Variants in TINAG observed in about 807,000 individuals in gnomAD.
The protein encoded by TINAG is tubulointerstitial nephritis antigen.
In TINAG, 83 loss-of-function variants were observed where a neutral mutation model predicts 72.7. That is an observed-to-expected ratio of 1.14 (90% CI 0.96 to 1.37). The LOEUF is 1.37. Ranked by LOEUF, TINAG falls within the 40% of genes most tolerant of loss-of-function variation. The probability of loss-of-function intolerance (pLI) is 0.00; values close to 1 mark genes in which losing one functional copy is unlikely to be tolerated. For synonymous variants in TINAG, 234 were observed against 189.9 expected (o/e 1.23, Z -1.91); for missense variants, 685 against 576.6 (o/e 1.19, Z -1.93).
chr6:54,364,648 G>A (rs1333843399), intron 9 of TINAG, among the ~76,000 whole-genome samples: 1 of 151,194 alleles, frequency 6.6e-6, no homozygotes, highest in African/African-American at 2.4e-5. Flanking sequence ...GTAATAATAA[G>A]GAAATAATAT....
At chr6:54,369,848 A>G (rs1362297453) in intron 9 of TINAG, 3 of 152,064 alleles carry the variant, frequency 2.0e-5, no homozygotes, top group African/African-American at 7.2e-5. Flanking sequence ...AAATAAATTA[A>G]TACTACCCCA....
chr6:54,317,761 T>C (rs1784405970), intron 1 of TINAG, among the ~76,000 whole-genome samples: 1 of 152,166 alleles, frequency 6.6e-6, no homozygotes, highest in African/African-American at 2.4e-5. Flanking sequence ...CATTCCCTTC[T>C]TTCCTTTAAT....
chr6:54,373,994 A>T (rs1763705651), intron 9 of TINAG, among the ~76,000 whole-genome samples: 1 of 152,114 alleles, frequency 6.6e-6, no homozygotes, highest in Non-Finnish European at 1.5e-5. Context: ...TTTAATGCAT[A>T]TTCTGTCAGC....
chr6:54,369,515 A>G (rs894321697), intron 9 of TINAG, among the ~76,000 whole-genome samples: 1 of 151,914 alleles, frequency 6.6e-6, no homozygotes, highest in African/African-American at 2.4e-5. Flanking sequence ...TTTTGAGCTA[A>G]AACATTAGAA....
intron 9 of TINAG, among the ~76,000 whole-genome samples, chr6:54,378,613 TCTTAAA>T (rs1439907541): frequency 1.3e-5 from 2 of 152,196 alleles, no homozygotes; most frequent in Non-Finnish European, 2.9e-5. Context: ...AGTTCGTATT[TCTTAAA>T]AGTTTCCAAG....
At chr6:54,343,406 TGAGA>T (rs1785047731) in intron 5 of TINAG, 57 bp downstream of exon 5, 2 of 1,355,288 alleles carry the variant, frequency 1.5e-6, no homozygotes, top group African/African-American at 3.0e-5. Context: ...CTCTAGAGAC[TGAGA>T]GAATAATTGA....
At chr6:54,373,409 C>T (rs1057344762) in intron 9 of TINAG, among the ~76,000 whole-genome samples, 2 of 152,070 alleles carry the variant, frequency 1.3e-5, no homozygotes, top group Non-Finnish European at 2.9e-5. Context: ...TATGCCTTTC[C>T]TCTTCACCAC....
At chr6:54,354,427 C>T (rs1785341783) in intron 8 of TINAG, 86 bp from the exon 9 acceptor site, 1 of 1,249,392 alleles carries the variant, frequency 8.0e-7, no homozygotes, top group Non-Finnish European at 1.1e-6. Flanking sequence ...GCAATTTACC[C>T]ATTGGTTGTT....
At chr6:54,348,302 A>C (rs530787020) in intron 6 of TINAG, among the ~76,000 whole-genome samples, 1 of 152,210 alleles carries the variant, frequency 6.6e-6, no homozygotes, top group Non-Finnish European at 1.5e-5. Flanking sequence ...TTGAATGGGC[A>C]ACTTGGGCTG....
intron 9 of TINAG, among the ~76,000 whole-genome samples, chr6:54,376,696 A>G (rs1763792424): frequency 6.6e-6 from 1 of 152,188 alleles, no homozygotes; most frequent in South Asian, 2.1e-4. Flanking sequence ...GCATGGAAAT[A>G]TTAATAACCT....
intron 10 of TINAG, among the ~76,000 whole-genome samples, chr6:54,388,359 G>A (rs569768578): frequency 1.6e-3 from 247 of 152,276 alleles, no homozygotes; most frequent in African/African-American, 5.1e-3. Flanking sequence ...AGTTTTGAGA[G>A]TGCTCCTTTA....
chr6:54,371,903 A>G (rs1044996131), intron 9 of TINAG, among the ~76,000 whole-genome samples: 6 of 150,268 alleles, frequency 4.0e-5, no homozygotes, highest in African/African-American at 1.2e-4. Flanking sequence ...CCTTAAATTT[A>G]TAGAGATCTG....
At chr6:54,351,217 A>C (rs1785257700) in intron 7 of TINAG, 135 bp from the exon 8 acceptor site, 3 of 662,780 alleles carry the variant, frequency 4.5e-6, no homozygotes, top group Non-Finnish European at 7.6e-6. Flanking sequence ...CAATTTCATT[A>C]ATGTAGCATA....
At position 54,354,557 on chromosome 6, in the gene TINAG, A is replaced by T; in HGVS notation, c.1171A>T (p.Ile391Leu). Reference sequence around the variant, plus strand: ...AGATTTCTTCCATTATAAGACAGGGATATACAGACATGTTACCAGCACAAA... The same window carrying T: ...AGATTTCTTCCATTATAAGACAGGGTTATACAGACATGTTACCAGCACAAA... ...REDFFHYKTG[I>L]YRHVTSTNKE... Residue 391 changes from isoleucine to leucine, a missense_variant, in exon 9 of 11, where the codon ATA becomes TTA. Transcript: ENST00000259782. 2 of 1,610,236 alleles carry T rather than the reference A, an allele frequency of 1.2e-6. No homozygotes were observed. The highest frequency in any genetic ancestry group is 8.5e-7 in the Non-Finnish European group (1 of 1,177,702).
chr6:54,363,139 G>A (rs1161754287), intron 9 of TINAG, among the ~76,000 whole-genome samples: 1 of 151,588 alleles, frequency 6.6e-6, no homozygotes, highest in Non-Finnish European at 1.5e-5. Context: ...ACAACACTGT[G>A]TGGACACAAG....
chr6:54,381,780 AT>A (rs1794560397), intron 10 of TINAG, among the ~76,000 whole-genome samples: 1 of 152,134 alleles, frequency 6.6e-6, no homozygotes, highest in South Asian at 2.1e-4. Context: ...TATTAAATAA[AT>A]TTGAACAGTT....
chr6:54,361,866 G>T (rs1157952446), intron 9 of TINAG, among the ~76,000 whole-genome samples: 2 of 151,670 alleles, frequency 1.3e-5, no homozygotes, highest in African/African-American at 4.8e-5. Flanking sequence ...AAAAGTTTTA[G>T]TGGACTGGAA....
chr6:54,350,864 A>G lies in TINAG; in HGVS notation c.1081-488A>G, dbSNP rs1785249228. ...TACCTTGAGTATAGGTGCAGGGTCA[A>G]TATTTGTTCCTGTCATAGTTTCTGG... On this transcript the variant is annotated intron_variant, in intron 7 of 10. Coordinates refer to ENST00000259782, the MANE Select transcript of TINAG (RefSeq NM_014464.4). 3.3e-5 allele frequency among the ~76,000 whole-genome samples: 5 copies of G among 151,724 alleles called. No individual in the cohort carries two copies. In the Admixed American group the frequency reaches 3.3e-4, roughly 10 times the overall value.
intron 9 of TINAG, among the ~76,000 whole-genome samples, chr6:54,372,748 A>ATATATG: frequency 7.8e-5 from 3 of 38,370 alleles, no homozygotes; most frequent in African/African-American, 1.1e-4. Context: ...ATATATATAT[A>ATATATG]TATATATATA....
Sources: gnomAD v4.1 joint callset for allele counts (sites outside exome capture counted in the v4.1 genomes callset) on GRCh38, gnomAD v4.1.1 for gene constraint, MANE v1.5 for transcripts, NCBI Gene and HGNC (gene_info 2026-07-23, HGNC 2026-07-21) for gene names.